NDFIP2: variants seen among roughly 807,000 people sequenced by gnomAD.
NDFIP2 encodes the protein Nedd4 family interacting protein 2, also known as NEDD4 family-interacting protein 2.
A neutral mutation model predicts 36.0 loss-of-function variants in NDFIP2; 19 were observed. The observed-to-expected ratio is 0.53, with a 90% CI of 0.37 to 0.77. NDFIP2 has a LOEUF of 0.77. NDFIP2 is among the 30% of genes least tolerant of loss of function. NDFIP2 has a pLI of 0.00. For missense variants in NDFIP2, 446 were observed against 435.8 expected (o/e 1.02, Z -0.21); for synonymous variants, 181 against 167.7 (o/e 1.08, Z -0.61).
intron 1 of NDFIP2, among the ~76,000 whole-genome samples, chr13:79,501,450 C>T (rs1317397284): frequency 6.6e-6 from 1 of 151,902 alleles, no homozygotes. Context: ...CGGACTTTTC[C>T]TGTGGATCTA....
Position 79,543,700 on chromosome 13 carries a change from C to T in NDFIP2, c.840+18C>T. ...TTGTCAGGGTGAGTGTCTTGATAGC[C>T]TGTATCTCTTTTATCTCTAAAATGA... On this transcript the variant is annotated intron_variant, in intron 5 of 7. Coordinates refer to ENST00000218652, the MANE Select transcript of NDFIP2 (RefSeq NM_019080.3). The T allele has an allele frequency of 6.2e-7, 1 of 1,609,656 alleles. No homozygotes were observed. Among genetic ancestry groups the T allele is most frequent in the Non-Finnish European group, 8.5e-7 (1 of 1,178,694 alleles).
intron 1 of NDFIP2, among the ~76,000 whole-genome samples, chr13:79,517,720 A>C (rs937165371): frequency 6.6e-6 from 1 of 152,198 alleles, no homozygotes; most frequent in East Asian, 1.9e-4. Flanking sequence ...ATAGGCTCCA[A>C]AGCTTTATTT....
intron 3 of NDFIP2, 121 bp from the exon 4 acceptor site, chr13:79,539,561 T>C: frequency 1.4e-6 from 1 of 711,648 alleles, no homozygotes; most frequent in South Asian, 1.7e-5. Context: ...ATTGTACTCA[T>C]TATTGCATTT....
intron 1 of NDFIP2, among the ~76,000 whole-genome samples, chr13:79,505,030 C>CT (rs1873807843): frequency 6.6e-6 from 1 of 152,142 alleles, no homozygotes. Flanking sequence ...CATTTTTGTA[C>CT]TTTCTTGCCA....
Position 79,554,310 on chromosome 13 carries a change from CT to C in NDFIP2, c.*1800del, listed in dbSNP as rs1876024589. Reference sequence around the variant, plus strand: ...ACATATTCAAACTCATGCTGGATCTCTTTCATATTAATTTCTTATAGACCTG... The same window carrying C: ...ACATATTCAAACTCATGCTGGATCTCTTCATATTAATTTCTTATAGACCTG... On this transcript the variant is annotated 3_prime_UTR_variant, in exon 8 of 8. Transcript: ENST00000218652. 6.6e-6 allele frequency: 1 copy of C among 151,724 alleles called. No individual in the cohort carries two copies. Among genetic ancestry groups the C allele is most frequent in the Non-Finnish European group, 1.5e-5 (1 of 67,712 alleles). The allele number at this position is 151,724 out of a possible 1,614,324, so 9.4% of individuals were successfully genotyped here. A position where few individuals can be genotyped will look rare whatever the true frequency, so the allele number is the denominator to read the frequency against.
intron 1 of NDFIP2, among the ~76,000 whole-genome samples, chr13:79,481,753 C>T (rs1420213450): frequency 6.6e-6 from 1 of 152,192 alleles, no homozygotes; most frequent in African/African-American, 2.4e-5. Flanking sequence ...CTTAGCTCCT[C>T]ACCCGCACCC....
At chr13:79,532,621 G>T (rs1875060169) in intron 2 of NDFIP2, among the ~76,000 whole-genome samples, 1 of 152,152 alleles carries the variant, frequency 6.6e-6, no homozygotes, top group Admixed American at 6.5e-5. Context: ...TAAAGAACTA[G>T]CTGGATAAAG....
At chr13:79,510,437 T>G (rs1874042666) in intron 1 of NDFIP2, among the ~76,000 whole-genome samples, 1 of 151,598 alleles carries the variant, frequency 6.6e-6, no homozygotes, top group Non-Finnish European at 1.5e-5. Context: ...AAGGGAAAAC[T>G]ACTTCCCCAT....
chr13:79,523,932 G>A (rs574128731), intron 2 of NDFIP2, among the ~76,000 whole-genome samples: 1 of 152,148 alleles, frequency 6.6e-6, no homozygotes, highest in Non-Finnish European at 1.5e-5. Flanking sequence ...GGAAGTTGTT[G>A]TCTCTTTTTT....
At chr13:79,496,038 A>G (rs568858366) in intron 1 of NDFIP2, among the ~76,000 whole-genome samples, 1 of 152,062 alleles carries the variant, frequency 6.6e-6, no homozygotes, top group East Asian at 1.9e-4. Context: ...CCACCAGATA[A>G]TGTTATAATT....
intron 2 of NDFIP2, among the ~76,000 whole-genome samples, chr13:79,532,253 G>A (rs1353466230): frequency 1.3e-5 from 2 of 152,186 alleles, no homozygotes; most frequent in African/African-American, 2.4e-5. Context: ...TGGAATTGCC[G>A]CCGCAAACCT....
intron 1 of NDFIP2, among the ~76,000 whole-genome samples, chr13:79,504,142 TTTAAA>T (rs1344555008): frequency 6.6e-6 from 1 of 152,304 alleles, no homozygotes; most frequent in African/African-American, 2.4e-5. Context: ...ATTGTAAAGT[TTTAAA>T]TTAATGTATT....
intron 1 of NDFIP2, among the ~76,000 whole-genome samples, chr13:79,514,971 A>C (rs1476859339): frequency 1.3e-5 from 2 of 152,200 alleles, no homozygotes; most frequent in African/African-American, 4.8e-5. Context: ...AAATACAGTC[A>C]TGTGTGGCTG....
chr13:79,535,659 C>T (rs1474751722), intron 3 of NDFIP2, among the ~76,000 whole-genome samples: 1 of 152,128 alleles, frequency 6.6e-6, no homozygotes, highest in Non-Finnish European at 1.5e-5. Context: ...CTTCCTAACC[C>T]GGTGCTTCAG....
intron 2 of NDFIP2, among the ~76,000 whole-genome samples, chr13:79,532,002 G>A (rs1364570902): frequency 6.6e-6 from 1 of 152,206 alleles, no homozygotes; most frequent in Non-Finnish European, 1.5e-5. Context: ...GAATTAGAGT[G>A]AGAGACGTGT....
intron 1 of NDFIP2, among the ~76,000 whole-genome samples, chr13:79,496,913 C>T (rs1028565313): frequency 6.6e-6 from 1 of 151,820 alleles, no homozygotes; most frequent in Non-Finnish European, 1.5e-5. Flanking sequence ...GATTCCCTGT[C>T]TTTTAATTGA....
intron 2 of NDFIP2, among the ~76,000 whole-genome samples, chr13:79,530,478 T>C (rs545474057): frequency 2.0e-5 from 3 of 152,234 alleles, no homozygotes; most frequent in Admixed American, 2.0e-4. Context: ...ATTGACTCTT[T>C]GTTTTACAAA....
intron 3 of NDFIP2, among the ~76,000 whole-genome samples, chr13:79,533,890 G>T (rs555009418): frequency 1.3e-5 from 2 of 152,046 alleles, no homozygotes; most frequent in Non-Finnish European, 2.9e-5. Context: ...TCCCTAACCC[G>T]TGTATTGTTG....
At chr13:79,516,876 C>A (rs1024481612) in intron 1 of NDFIP2, among the ~76,000 whole-genome samples, 4 of 152,128 alleles carry the variant, frequency 2.6e-5, no homozygotes, top group Non-Finnish European at 4.4e-5. Flanking sequence ...AAAAGGAAAG[C>A]ATCCAGTTAT....
Sources: gnomAD v4.1 joint callset for allele counts (sites outside exome capture counted in the v4.1 genomes callset) on GRCh38, gnomAD v4.1.1 for gene constraint, MANE v1.5 for transcripts, NCBI Gene and HGNC (gene_info 2026-07-23, HGNC 2026-07-21) for gene names.